Variants in HPSE2 observed in about 807,000 individuals in gnomAD.
The protein encoded by HPSE2 is heparanase 2 (inactive).
HPSE2 carries 38 observed loss-of-function variants against 60.5 expected under a neutral mutation model. The observed-to-expected ratio is 0.63, with a 90% CI of 0.48 to 0.82. The LOEUF is 0.82. Among genes scored for constraint, HPSE2 ranks in the 40% least tolerant of loss-of-function variants. The pLI, the probability that HPSE2 is intolerant of heterozygous loss-of-function variation, is 0.00. For missense variants in HPSE2, 713 were observed against 740.4 expected, an observed-to-expected ratio of 0.96 and a Z score of 0.43; for synonymous variants, 295 against 293.2, an observed-to-expected ratio of 1.01 and a Z score of -0.06.
intron 2 of HPSE2, among the ~76,000 whole-genome samples, chr10:99,193,456 T>C (rs1017048287): frequency 1.3e-5 from 2 of 151,030 alleles, no homozygotes; most frequent in African/African-American, 4.9e-5. Flanking sequence ...TTTAAAAGTC[T>C]AAACTTTCCA....
At chr10:99,230,313 T>G (rs1849602049) in intron 2 of HPSE2, among the ~76,000 whole-genome samples, 1 of 152,178 alleles carries the variant, frequency 6.6e-6, no homozygotes, top group African/African-American at 2.4e-5. Context: ...CAGGAATAAT[T>G]GTAAATCCTT....
At chr10:98,589,473 C>T (rs1945028622) in intron 9 of HPSE2, among the ~76,000 whole-genome samples, 1 of 152,222 alleles carries the variant, frequency 6.6e-6, no homozygotes. Context: ...TGCTTCCAAT[C>T]CTGGCTCATC....
chr10:98,504,846 A>G (rs912075729), intron 9 of HPSE2, among the ~76,000 whole-genome samples: 3 of 151,162 alleles, frequency 2.0e-5, no homozygotes, highest in African/African-American at 7.3e-5. Flanking sequence ...GAGTTATGTG[A>G]TTCTTTTCTT....
intron 4 of HPSE2, among the ~76,000 whole-genome samples, chr10:98,727,682 A>C (rs111239536): frequency 2.4e-4 from 36 of 152,038 alleles, no homozygotes; most frequent in South Asian, 6.2e-4. Flanking sequence ...ACAACAACAA[A>C]AAAAAACAAA....
chr10:98,943,706 C>T (rs1166641290), intron 3 of HPSE2, among the ~76,000 whole-genome samples: 1 of 152,118 alleles, frequency 6.6e-6, no homozygotes, highest in Admixed American at 6.6e-5. Flanking sequence ...ATTCAGGAAG[C>T]CTATAGAAAG....
At chr10:98,871,343 G>C (rs1952727606) in intron 3 of HPSE2, among the ~76,000 whole-genome samples, 1 of 151,808 alleles carries the variant, frequency 6.6e-6, no homozygotes, top group Non-Finnish European at 1.5e-5. Flanking sequence ...ACCCAAATGG[G>C]TCCTTACCCT....
At chr10:99,289,544 C>T in the HPSE2 span, among the ~76,000 whole-genome samples, 1 of 39,288 alleles carries the variant, frequency 2.5e-5, no homozygotes, top group Non-Finnish European at 5.7e-5. Context: ...ATTTTTTACT[C>T]AGTGCCAAGA....
chr10:98,689,687 G>A (rs553230666), intron 6 of HPSE2, among the ~76,000 whole-genome samples: 14 of 152,198 alleles, frequency 9.2e-5, no homozygotes, highest in African/African-American at 2.4e-4. Context: ...AGCATAGTGT[G>A]GATGATATAC....
chr10:99,008,150 A>G (rs1423867424), intron 3 of HPSE2, among the ~76,000 whole-genome samples: 4 of 152,216 alleles, frequency 2.6e-5, no homozygotes, highest in South Asian at 2.1e-4. Flanking sequence ...ACTGCTTTCC[A>G]TCTCCTGATC....
intron 3 of HPSE2, among the ~76,000 whole-genome samples, chr10:99,138,028 C>G (rs1246352772): frequency 6.6e-6 from 1 of 152,140 alleles, no homozygotes; most frequent in African/African-American, 2.4e-5. Flanking sequence ...CTACAAAGAA[C>G]TTAAACAAAT....
chr10:99,225,903 G>C (rs1025074812), intron 2 of HPSE2, among the ~76,000 whole-genome samples: 2 of 151,796 alleles, frequency 1.3e-5, no homozygotes, highest in African/African-American at 2.4e-5. Flanking sequence ...TTGAAGTTAA[G>C]AAAAATAGAT....
chr10:99,279,358 G>A, the HPSE2 span, among the ~76,000 whole-genome samples: 1 of 152,158 alleles, frequency 6.6e-6, no homozygotes, highest in Non-Finnish European at 1.5e-5. Context: ...CTGATAAAGA[G>A]CATGTTGGCA....
chr10:98,774,543 G>A (rs1273358511), intron 3 of HPSE2, among the ~76,000 whole-genome samples: 1 of 152,060 alleles, frequency 6.6e-6, no homozygotes, highest in African/African-American at 2.4e-5. Context: ...GGCTCTCAAG[G>A]GGTTCCTATT....
chr10:99,276,685 T>G, the HPSE2 span, among the ~76,000 whole-genome samples: 1 of 152,076 alleles, frequency 6.6e-6, no homozygotes, highest in Non-Finnish European at 1.5e-5. Context: ...GAAACAATAT[T>G]GAGTTCTCTG....
intron 4 of HPSE2, among the ~76,000 whole-genome samples, chr10:98,736,011 G>T (rs1231061794): frequency 1.3e-5 from 2 of 152,002 alleles, no homozygotes; most frequent in African/African-American, 4.8e-5. Context: ...AGGAGCCAGG[G>T]GTAGAATGAT....
At chr10:98,986,412 A>G (rs1956351716) in intron 3 of HPSE2, among the ~76,000 whole-genome samples, 2 of 151,514 alleles carry the variant, frequency 1.3e-5, no homozygotes, top group Non-Finnish European at 2.9e-5. Context: ...TAACGAAATG[A>G]AGGCAGAAAT....
At chr10:98,793,718 G>A (rs1932735) in intron 3 of HPSE2, among the ~76,000 whole-genome samples, 5,784 of 152,334 alleles carry the variant, frequency 0.038, 240 homozygotes, top group East Asian at 0.17. Context: ...CTGCTGCTGT[G>A]AGATGAGGTG....
chr10:99,286,763 CTT>C, the HPSE2 span, among the ~76,000 whole-genome samples: 1 of 152,244 alleles, frequency 6.6e-6, no homozygotes, highest in Non-Finnish European at 1.5e-5. Flanking sequence ...ATATTTAAGA[CTT>C]ATCCCATTAC....
intron 3 of HPSE2, among the ~76,000 whole-genome samples, chr10:98,841,964 G>A (rs1405180998): frequency 2.6e-5 from 4 of 151,970 alleles, no homozygotes; most frequent in East Asian, 1.9e-4. Flanking sequence ...GTGCCACCAC[G>A]CCCAGCTAAG....
Sources: gnomAD v4.1 joint callset for allele counts (sites outside exome capture counted in the v4.1 genomes callset) on GRCh38, gnomAD v4.1.1 for gene constraint, MANE v1.5 for transcripts, NCBI Gene and HGNC (gene_info 2026-07-23, HGNC 2026-07-21) for gene names.